The following SLC26A7 variants were observed in gnomAD, a reference collection of about 807,000 sequenced individuals.
SLC26A7 encodes the protein solute carrier family 26 member 7.
A neutral mutation model predicts 82.5 loss-of-function variants in SLC26A7; 59 were observed. The ratio of observed to expected loss-of-function variants is 0.72; its 90% CI spans 0.58 to 0.89. The LOEUF (loss-of-function observed/expected upper bound fraction) is 0.89, where lower values mean the gene tolerates loss of function less well. SLC26A7 is among the 40% of genes least tolerant of loss of function. The pLI, the probability that SLC26A7 is intolerant of heterozygous loss-of-function variation, is 0.00. For missense variants in SLC26A7, 820 were observed against 793.0 expected, an observed-to-expected ratio of 1.03 and a Z score of -0.41; for synonymous variants, 271 against 274.3, an observed-to-expected ratio of 0.99 and a Z score of 0.12.
chr8:91,332,360 T>A (rs976664158), intron 5 of SLC26A7, among the ~76,000 whole-genome samples: 1 of 131,380 alleles, frequency 7.6e-6, no homozygotes, highest in Non-Finnish European at 1.7e-5. Context: ...AAATTTATAA[T>A]TATATATAAA....
intron 8 of SLC26A7, 26 bp downstream of exon 8, chr8:91,340,577 C>T (rs551551405): frequency 1.2e-6 from 2 of 1,613,366 alleles, no homozygotes; most frequent in African/African-American, 1.3e-5. Context: ...AGTCCCTCTC[C>T]ACTCCAGTTG....
intron 8 of SLC26A7, among the ~76,000 whole-genome samples, chr8:91,341,488 G>T (rs1813412526): frequency 6.6e-6 from 1 of 152,184 alleles, no homozygotes; most frequent in Non-Finnish European, 1.5e-5. Context: ...CGAACTACCT[G>T]TGTGTAAATC....
At chr8:91,259,554 C>T (rs985485442) in intron 2 of SLC26A7, among the ~76,000 whole-genome samples, 1 of 152,054 alleles carries the variant, frequency 6.6e-6, no homozygotes, top group Non-Finnish European at 1.5e-5. Flanking sequence ...TTTTCAAGGC[C>T]CTTCAATATC....
chr8:91,332,354 T>TA (rs1407549952), intron 5 of SLC26A7, among the ~76,000 whole-genome samples: 1 of 131,952 alleles, frequency 7.6e-6, no homozygotes, highest in Admixed American at 7.7e-5. Context: ...ATATATAAAT[T>TA]TATAATTATA....
intron 1 of SLC26A7, among the ~76,000 whole-genome samples, chr8:91,211,616 A>ATT (rs34106795): frequency 0.02 from 2,725 of 137,438 alleles, 46 homozygotes; most frequent in South Asian, 0.051. Flanking sequence ...ATATATATAT[A>ATT]TTTTTTTTTT....
chr8:91,320,072 CT>C (rs2130810823), intron 5 of SLC26A7, among the ~76,000 whole-genome samples: 1 of 151,968 alleles, frequency 6.6e-6, no homozygotes, highest in East Asian at 1.9e-4. Flanking sequence ...GGAGGTGTTT[CT>C]TTTTTTTCTT....
At chr8:91,260,964 T>C (rs1427374562) in intron 2 of SLC26A7, among the ~76,000 whole-genome samples, 1 of 152,122 alleles carries the variant, frequency 6.6e-6, no homozygotes, top group Non-Finnish European at 1.5e-5. Flanking sequence ...GGAGACTCAC[T>C]TGTAATAACG....
intron 15 of SLC26A7, among the ~76,000 whole-genome samples, chr8:91,377,760 C>T (rs760490988): frequency 6.6e-6 from 1 of 152,144 alleles, no homozygotes; most frequent in African/African-American, 2.4e-5. Context: ...AGCACCCCCA[C>T]CTATGTTTTC....
rs146748895 is a variant in SLC26A7 at position 91,359,192 on chromosome 8, A to G, written c.1315-3161A>G. 7.9e-5 allele frequency among the ~76,000 whole-genome samples: 12 copies of G among 152,360 alleles called. No homozygotes were observed. The East Asian group carries it at 2.3e-3, about 29-fold the overall frequency. On this transcript the variant is annotated intron_variant, in intron 11 of 18. Transcript: ENST00000276609. ...ACTGTCAAAAGAGTTGAGGAAAGGAACAGTGTGAACTGAGATATCATTAAT... is the reference window on the plus strand; with the variant it reads ...ACTGTCAAAAGAGTTGAGGAAAGGAGCAGTGTGAACTGAGATATCATTAAT...
At chr8:91,339,207 G>T (rs1288691087) in intron 7 of SLC26A7, among the ~76,000 whole-genome samples, 1 of 151,964 alleles carries the variant, frequency 6.6e-6, no homozygotes, top group African/African-American at 2.4e-5. Context: ...ACTTTGAAAT[G>T]GTTTTGTGTA....
chr8:91,262,467 T>C (rs761496274), intron 2 of SLC26A7, among the ~76,000 whole-genome samples: 33 of 152,026 alleles, frequency 2.2e-4, no homozygotes, highest in Non-Finnish European at 3.4e-4. Flanking sequence ...CTTCAGATTT[T>C]GGTGGGTAAA....
intron 2 of SLC26A7, among the ~76,000 whole-genome samples, chr8:91,269,858 A>C (rs1399986197): frequency 6.6e-6 from 1 of 152,014 alleles, no homozygotes; most frequent in Non-Finnish European, 1.5e-5. Context: ...CTGTTTCATC[A>C]AATCTACTGT....
At chr8:91,364,831 T>G (rs1586457388) in intron 13 of SLC26A7, among the ~76,000 whole-genome samples, 1 of 152,326 alleles carries the variant, frequency 6.6e-6, no homozygotes, top group South Asian at 2.1e-4. Flanking sequence ...TCTTGATTGG[T>G]TTCTGTCTAT....
At chr8:91,269,653 T>A (rs1811213563) in intron 2 of SLC26A7, among the ~76,000 whole-genome samples, 1 of 152,186 alleles carries the variant, frequency 6.6e-6, no homozygotes, top group South Asian at 2.1e-4. Context: ...CGTTCCTGGA[T>A]GCTGCCATCT....
chr8:91,394,718 A>T (rs1265888740), intron 18 of SLC26A7: 1 of 1,111,574 alleles, frequency 9.0e-7, no homozygotes, highest in Non-Finnish European at 1.1e-6. Flanking sequence ...ACATATATTG[A>T]GTGCCCTCAT....
chr8:91,249,185 G>A (rs73305623), upstream of SLC26A7: 5,393 of 152,366 alleles, frequency 0.035, 313 homozygotes, highest in African/African-American at 0.12. Context: ...GGACTAGCTG[G>A]ATATTTCCTG....
intron 2 of SLC26A7, among the ~76,000 whole-genome samples, chr8:91,270,599 A>C (rs1325282995): frequency 6.6e-6 from 1 of 152,100 alleles, no homozygotes. Context: ...GCTCTCAATG[A>C]ACACATACTC....
chr8:91,256,338 A>T (rs1209065549), intron 2 of SLC26A7, among the ~76,000 whole-genome samples: 2 of 152,134 alleles, frequency 1.3e-5, no homozygotes, highest in African/African-American at 4.8e-5. Context: ...TGTGATAATT[A>T]GCACAGTTCC....
At chr8:91,271,496 C>G (rs1311692185) in intron 2 of SLC26A7, among the ~76,000 whole-genome samples, 1 of 151,854 alleles carries the variant, frequency 6.6e-6, no homozygotes, top group African/African-American at 2.4e-5. Context: ...CTTTCTTCAT[C>G]TGAATGCAAA....
Sources: gnomAD v4.1 joint callset for allele counts (sites outside exome capture counted in the v4.1 genomes callset) on GRCh38, gnomAD v4.1.1 for gene constraint, MANE v1.5 for transcripts, NCBI Gene and HGNC (gene_info 2026-07-23, HGNC 2026-07-21) for gene names.